C12orf75: variants seen among roughly 807,000 people sequenced by gnomAD.
C12orf75 encodes the protein overexpressed in colon carcinoma 1 protein.
Under a neutral mutation model 11.4 loss-of-function variants are expected in C12orf75, and 4 were observed. The observed-to-expected ratio is 0.35, with a 90% confidence interval of 0.17 to 0.80. The LOEUF is 0.80. Among genes scored for constraint, C12orf75 ranks in the 30% least tolerant of loss-of-function variants. The pLI, the probability that C12orf75 is intolerant of heterozygous loss-of-function variation, is 0.52. For missense variants in C12orf75, 89 were observed against 80.4 expected (o/e 1.11, Z -0.41); for synonymous variants, 30 against 30.0 (o/e 1.00, Z 0.00).
intron 1 of C12orf75, among the ~76,000 whole-genome samples, chr12:105,347,406 T>C (rs1389055365): frequency 6.6e-6 from 1 of 152,114 alleles, no homozygotes; most frequent in East Asian, 1.9e-4. Flanking sequence ...AGTAGGGAAG[T>C]CAACAGTGCA....
chr12:105,345,121 A>G (rs1361019077), intron 1 of C12orf75, among the ~76,000 whole-genome samples: 1 of 152,080 alleles, frequency 6.6e-6, no homozygotes, highest in Non-Finnish European at 1.5e-5. Context: ...ACCAGCATTT[A>G]ACATTAAAAC....
intron 1 of C12orf75, among the ~76,000 whole-genome samples, 184 bp downstream of exon 1, chr12:105,331,121 T>C (rs34189496): frequency 0.19 from 28,189 of 151,660 alleles, 2,974 homozygotes; most frequent in Non-Finnish European, 0.24. Flanking sequence ...CGGGGGCGGT[T>C]GCGCCTGGAG....
intron 1 of C12orf75, among the ~76,000 whole-genome samples, chr12:105,331,951 T>G (rs76891967): frequency 6.6e-6 from 1 of 152,294 alleles, no homozygotes; most frequent in African/African-American, 2.4e-5. Context: ...GCAATGACTT[T>G]GTAACCTTGG....
intron 1 of C12orf75, among the ~76,000 whole-genome samples, chr12:105,332,746 A>AAAAG (rs1247375218): frequency 6.2e-4 from 91 of 145,660 alleles, no homozygotes; most frequent in African/African-American, 2.2e-3. Context: ...AAAAAAAAAA[A>AAAAG]AAAAGAAAAG....
rs548601677 is a variant in C12orf75, at chr12:105,366,708, C to T, written c.187+12C>T. On this transcript the variant is annotated intron_variant, in intron 4 of 5. Coordinates refer to ENST00000443585, the MANE Select transcript of C12orf75 (RefSeq NM_001145199.2). ...GACGGTTCGGAAAAGTAAGTGAAAT[C>T]ATGTGCTGTTGATTTTCCCTAATTA... 3 of 1,407,912 alleles carry T rather than the reference C, an allele frequency of 2.1e-6. No individual in the cohort carries two copies. The South Asian group carries it at 3.8e-5, about 18-fold the overall frequency. The allele number at this position is 1,407,912 out of a possible 1,614,324, so 87.2% of individuals were successfully genotyped here.
At chr12:105,369,338 T>C (rs1351879834) in intron 5 of C12orf75, among the ~76,000 whole-genome samples, 1 of 152,246 alleles carries the variant, frequency 6.6e-6, no homozygotes, top group East Asian at 1.9e-4. Context: ...TGTTCATGGC[T>C]GTAAATTTAT....
chr12:105,334,686 T>C (rs904554508), intron 1 of C12orf75, among the ~76,000 whole-genome samples: 21 of 152,166 alleles, frequency 1.4e-4, no homozygotes, highest in African/African-American at 5.1e-4. Context: ...GCAGGGAGCT[T>C]TTGCACTCTC....
chr12:105,353,951 T>A (rs1280714871), intron 2 of C12orf75, among the ~76,000 whole-genome samples: 2 of 152,200 alleles, frequency 1.3e-5, no homozygotes, highest in Non-Finnish European at 2.9e-5. Flanking sequence ...ATTGGCAATT[T>A]GTTTTTGTTT....
At chr12:105,365,034 A>G (rs1324398995) in intron 2 of C12orf75, among the ~76,000 whole-genome samples, 5 of 151,884 alleles carry the variant, frequency 3.3e-5, no homozygotes, top group Non-Finnish European at 7.4e-5. Flanking sequence ...ATGGGGTTTC[A>G]GCATGTTGGC....
At chr12:105,355,359 G>T (rs1235667799) in intron 2 of C12orf75, among the ~76,000 whole-genome samples, 1 of 151,862 alleles carries the variant, frequency 6.6e-6, no homozygotes, top group Non-Finnish European at 1.5e-5. Flanking sequence ...TAGTAGAGTT[G>T]GGATTTTGCC....
chr12:105,345,708 C>T (rs113113310), intron 1 of C12orf75, among the ~76,000 whole-genome samples: 1,895 of 125,938 alleles, frequency 0.015, 18 homozygotes, highest in African/African-American at 0.037. Context: ...GTTGCCCAGG[C>T]TGGAGTGCAG....
intron 1 of C12orf75, among the ~76,000 whole-genome samples, chr12:105,336,042 G>C (rs1263262995): frequency 6.6e-6 from 1 of 152,242 alleles, no homozygotes; most frequent in African/African-American, 2.4e-5. Context: ...CGTGGAGGAA[G>C]TGGAACTTTA....
chr12:105,370,816 GTTTATGGAA>G lies in C12orf75; in HGVS notation c.*217_*225del. ...AGGGAATTGGTTAAACAGTACACTTGTTTATGGAACTTTCTGTGGCCACCTACGAAAGAC... is the reference window on the plus strand; with the variant it reads ...AGGGAATTGGTTAAACAGTACACTTGCTTTCTGTGGCCACCTACGAAAGAC... On this transcript the variant is annotated 3_prime_UTR_variant, in exon 6 of 6. Coordinates refer to ENST00000443585, the MANE Select transcript of C12orf75 (RefSeq NM_001145199.2). 2.4e-6 allele frequency: 1 copy of G among 418,004 alleles called. No homozygotes were observed. The highest frequency in any genetic ancestry group is 4.9e-6 in the Non-Finnish European group (1 of 204,388). 25.9% of individuals were successfully genotyped at this position (418,004 alleles called of 1,614,324 possible). A position where few individuals can be genotyped will look rare whatever the true frequency, so the allele number is the denominator to read the frequency against.
chr12:105,336,080 G>A (rs1293210430), intron 1 of C12orf75, among the ~76,000 whole-genome samples: 1 of 152,200 alleles, frequency 6.6e-6, no homozygotes, highest in Non-Finnish European at 1.5e-5. Flanking sequence ...GGTAAGATTT[G>A]GATAGCAGAA....
chr12:105,369,739 C>A (rs1237880233), intron 5 of C12orf75, among the ~76,000 whole-genome samples: 2 of 152,098 alleles, frequency 1.3e-5, no homozygotes, highest in African/African-American at 2.4e-5. Flanking sequence ...TTAGTTTGAT[C>A]CTGGTCTTTC....
intron 2 of C12orf75, among the ~76,000 whole-genome samples, chr12:105,364,039 TAAAC>T (rs1246094467): frequency 6.6e-6 from 1 of 152,184 alleles, no homozygotes; most frequent in Non-Finnish European, 1.5e-5. Flanking sequence ...AGAATTAAAA[TAAAC>T]GGATATGTAA....
Position 105,330,770 on chromosome 12 carries a change from T to G in C12orf75, c.-122T>G. 2 of 1,027,454 alleles carry G rather than the reference T, an allele frequency of 1.9e-6. No individual in the cohort carries two copies. Among genetic ancestry groups the G allele is most frequent in the Non-Finnish European group, 2.5e-6 (2 of 815,204 alleles). The allele number at this position is 1,027,454 out of a possible 1,614,324, so 63.6% of individuals were successfully genotyped here. On this transcript the variant is annotated 5_prime_UTR_variant, in exon 1 of 6. Transcript: ENST00000443585. Reference sequence around the variant, plus strand: ...GTGGGAGGGGGCGGCCCCCACTCGGTTCCTGGCCCCTCGCGGCCCCGTCAG... The same window carrying G: ...GTGGGAGGGGGCGGCCCCCACTCGGGTCCTGGCCCCTCGCGGCCCCGTCAG...
intron 1 of C12orf75, among the ~76,000 whole-genome samples, chr12:105,335,434 A>G (rs1400953956): frequency 6.6e-6 from 1 of 152,240 alleles, no homozygotes; most frequent in African/African-American, 2.4e-5. Flanking sequence ...TATCATTTTT[A>G]TCTTGCACTA....
At chr12:105,369,049 C>G (rs1386337514) in intron 5 of C12orf75, among the ~76,000 whole-genome samples, 4 of 152,184 alleles carry the variant, frequency 2.6e-5, no homozygotes, top group African/African-American at 9.7e-5. Context: ...GTTTACCCTC[C>G]TGGAAACAGA....
Sources: gnomAD v4.1 joint callset for allele counts (sites outside exome capture counted in the v4.1 genomes callset) on GRCh38, gnomAD v4.1.1 for gene constraint, MANE v1.5 for transcripts, NCBI Gene and HGNC (gene_info 2026-07-23, HGNC 2026-07-21) for gene names.